ACTR3C: variants seen among roughly 807,000 people sequenced by gnomAD.
The protein encoded by ACTR3C is actin-related protein 3C.
In ACTR3C, 18 loss-of-function variants were observed where a neutral mutation model predicts 26.3. The ratio of observed to expected loss-of-function variants is 0.68; its 90% confidence interval spans 0.47 to 1.01. ACTR3C has a LOEUF of 1.01. Among genes scored for constraint, ACTR3C ranks in the 50% least tolerant of loss-of-function variants. The pLI is 0.00. For synonymous variants in ACTR3C, 55 were observed against 94.5 expected, an observed-to-expected ratio of 0.58 and a Z score of 2.42; for missense variants, 184 against 250.7, an observed-to-expected ratio of 0.73 and a Z score of 1.80.
the ACTR3C span, among the ~76,000 whole-genome samples, chr7:149,945,729 C>T: frequency 3.3e-5 from 5 of 152,254 alleles, no homozygotes; most frequent in South Asian, 1.0e-3. Context: ...TGGCAGCTTC[C>T]ATGGAAGAAG....
At chr7:149,989,878 A>T in the ACTR3C span, among the ~76,000 whole-genome samples, 2 of 152,156 alleles carry the variant, frequency 1.3e-5, no homozygotes, top group Admixed American at 6.5e-5. Flanking sequence ...ATATGGCTGT[A>T]AAACTCACAT....
At chr7:149,889,405 T>C in the ACTR3C span, among the ~76,000 whole-genome samples, 2 of 152,310 alleles carry the variant, frequency 1.3e-5, no homozygotes, top group Non-Finnish European at 2.9e-5. Context: ...TATGAAAGAT[T>C]GGCATCCAGA....
At chr7:150,142,369 G>A in the ACTR3C span, among the ~76,000 whole-genome samples, 1 of 152,124 alleles carries the variant, frequency 6.6e-6, no homozygotes, top group African/African-American at 2.4e-5. Flanking sequence ...ATGAGGCAAC[G>A]CTTCAGGACA....
the ACTR3C span, among the ~76,000 whole-genome samples, chr7:149,979,924 G>A: frequency 7.6e-5 from 11 of 144,248 alleles, no homozygotes; most frequent in East Asian, 8.3e-4. Flanking sequence ...TGCCCCTCCC[G>A]TGACCAGAAA....
chr7:150,128,295 T>G, the ACTR3C span, among the ~76,000 whole-genome samples: 2 of 152,136 alleles, frequency 1.3e-5, no homozygotes, highest in Non-Finnish European at 2.9e-5. Flanking sequence ...GCATGCTGCC[T>G]AAATTGCTTC....
At chr7:150,094,488 T>G in the ACTR3C span, among the ~76,000 whole-genome samples, 1 of 150,470 alleles carries the variant, frequency 6.6e-6, no homozygotes, top group Admixed American at 6.6e-5. Context: ...TGCCACGGAT[T>G]ATTATAGGGC....
the ACTR3C span, among the ~76,000 whole-genome samples, chr7:149,972,514 C>G: frequency 6.6e-6 from 1 of 152,164 alleles, no homozygotes; most frequent in Non-Finnish European, 1.5e-5. Context: ...CCATGACAAG[C>G]TGCACCCCTG....
At chr7:150,035,823 T>A in the ACTR3C span, among the ~76,000 whole-genome samples, 3 of 120,966 alleles carry the variant, frequency 2.5e-5, 1 homozygote, top group Non-Finnish European at 5.4e-5. Context: ...TCTCAGTCCC[T>A]GCCTTGCGGG....
At chr7:150,107,009 G>A in the ACTR3C span, among the ~76,000 whole-genome samples, 1 of 144,870 alleles carries the variant, frequency 6.9e-6, no homozygotes, top group African/African-American at 2.7e-5. Flanking sequence ...TCTGGAACCA[G>A]AACTCACACC....
the ACTR3C span, among the ~76,000 whole-genome samples, chr7:149,933,289 G>T: frequency 6.6e-6 from 1 of 151,256 alleles, no homozygotes; most frequent in East Asian, 1.9e-4. Flanking sequence ...AAAATAATTT[G>T]CTGTATAAGG....
chr7:150,293,126 C>T (rs1836420089), intron 3 of ACTR3C, among the ~76,000 whole-genome samples, 186 bp downstream of exon 3: 1 of 151,924 alleles, frequency 6.6e-6, no homozygotes, highest in African/African-American at 2.4e-5. Flanking sequence ...TTCTTTCCCA[C>T]ATACTTGGGG....
chr7:150,297,699 A>G (rs1447713443), intron 1 of ACTR3C, among the ~76,000 whole-genome samples: 1 of 152,216 alleles, frequency 6.6e-6, no homozygotes, highest in Non-Finnish European at 1.5e-5. Context: ...TAAAAATACA[A>G]AAATTAGCCA....
the ACTR3C span, among the ~76,000 whole-genome samples, chr7:150,033,603 C>G: frequency 6.6e-6 from 1 of 151,888 alleles, no homozygotes; most frequent in Non-Finnish European, 1.5e-5. Flanking sequence ...CAGGAGGTGC[C>G]TCCCCCCGCT....
chr7:149,992,811 C>T, the ACTR3C span, among the ~76,000 whole-genome samples: 1 of 152,128 alleles, frequency 6.6e-6, no homozygotes, highest in Non-Finnish European at 1.5e-5. Context: ...AGGTGAAGTC[C>T]CACCATAGGC....
chr7:150,205,367 T>C, the ACTR3C span, among the ~76,000 whole-genome samples: 6 of 152,204 alleles, frequency 3.9e-5, no homozygotes, highest in African/African-American at 1.4e-4. Context: ...TAGATGCCTA[T>C]ACAAAGTAGC....
At chr7:150,155,187 T>C in the ACTR3C span, among the ~76,000 whole-genome samples, 1 of 152,078 alleles carries the variant, frequency 6.6e-6, no homozygotes, top group Non-Finnish European at 1.5e-5. Flanking sequence ...GGAAAATAAA[T>C]GGGGAACAGA....
chr7:150,190,401 T>C, the ACTR3C span, among the ~76,000 whole-genome samples: 1 of 152,066 alleles, frequency 6.6e-6, no homozygotes, highest in Non-Finnish European at 1.5e-5. Context: ...GTCCAGTTAG[T>C]GATTCTTTCC....
the ACTR3C span, among the ~76,000 whole-genome samples, chr7:150,080,466 A>C: frequency 1.3e-5 from 2 of 151,628 alleles, no homozygotes; most frequent in South Asian, 4.2e-4. Flanking sequence ...AACAAATAAA[A>C]CCCAAAACTA....
the ACTR3C span, among the ~76,000 whole-genome samples, chr7:150,096,033 TA>T: frequency 9.6e-4 from 142 of 147,438 alleles, 6 homozygotes; most frequent in South Asian, 0.029. Context: ...GACATTCTTT[TA>T]AAAAAAATTC....
Sources: allele counts gnomAD v4.1 joint callset (sites outside exome capture counted in the v4.1 genomes callset), GRCh38; gene constraint gnomAD v4.1.1; transcripts MANE v1.5; gene names NCBI Gene and HGNC (gene_info 2026-07-23, HGNC 2026-07-21).